The following COL9A1 variants were observed in gnomAD, a reference collection of about 807,000 sequenced individuals.
COL9A1 encodes the protein collagen alpha-1(IX) chain.
Under a neutral mutation model 142.6 loss-of-function variants are expected in COL9A1, and 104 were observed. The ratio of observed to expected loss-of-function variants is 0.73; its 90% CI spans 0.62 to 0.86. The LOEUF (loss-of-function observed/expected upper bound fraction) is 0.86, where lower values mean the gene tolerates loss of function less well. Ranked by LOEUF, COL9A1 falls within the 40% of genes least tolerant of loss-of-function variation. The pLI, the probability that COL9A1 is intolerant of heterozygous loss-of-function variation, is 0.00. For synonymous variants in COL9A1, 466 were observed against 396.0 expected, an observed-to-expected ratio of 1.18 and a Z score of -2.10; for missense variants, 1,210 against 1,176.6, an observed-to-expected ratio of 1.03 and a Z score of -0.42.
At chr6:70,278,839 G>T (rs1446240592) in intron 10 of COL9A1, among the ~76,000 whole-genome samples, 1 of 152,200 alleles carries the variant, frequency 6.6e-6, no homozygotes, top group African/African-American at 2.4e-5. Context: ...TTCTGTTAGA[G>T]TGGGGAAATT....
At chr6:70,271,973 G>C in intron 13 of COL9A1, 92 bp downstream of exon 13, 1 of 1,301,536 alleles carries the variant, frequency 7.7e-7, no homozygotes, top group African/African-American at 1.5e-5. Flanking sequence ...AAACACCACT[G>C]AGTAGACCGT....
At chr6:70,255,459 A>T in intron 21 of COL9A1, 69 bp from the exon 22 acceptor site, 2 of 1,369,246 alleles carry the variant, frequency 1.5e-6, no homozygotes, top group Non-Finnish European at 1.0e-6. Flanking sequence ...AAAATTAGAA[A>T]GTATCATCCA....
intron 28 of COL9A1, chr6:70,246,262 AG>A: frequency 6.6e-6 from 1 of 152,190 alleles, no homozygotes; most frequent in East Asian, 1.9e-4. Context: ...CGGGAGGCTG[AG>A]GGGGGAGAAT....
intron 5 of COL9A1, among the ~76,000 whole-genome samples, chr6:70,292,882 A>T (rs937293243): frequency 2.0e-4 from 31 of 152,192 alleles, no homozygotes; most frequent in Non-Finnish European, 4.4e-4. Context: ...TAACTCAGCC[A>T]CTTGAGGTGT....
chr6:70,218,089 G>A (rs1025470269), intron 37 of COL9A1, among the ~76,000 whole-genome samples: 1 of 152,186 alleles, frequency 6.6e-6, no homozygotes, highest in East Asian at 1.9e-4. Context: ...GTTGCAGTGA[G>A]CCGAGATCGC....
Position 70,252,251 on chromosome 6 carries a change from T to TGGTG in COL9A1, c.1818+7_1818+10dup, listed in dbSNP as rs200555682. On this transcript the variant is annotated intron_variant, in intron 27 of 37. Transcript: ENST00000357250. ...GGTTAGAACTTCAGGAGAGGTAAAA[T>TGGTG]GGTGTCTTACCGGTTTGCCTGAATT... 2.1e-4 allele frequency: 332 copies of TGGTG among 1,614,114 alleles called. 2 individuals are homozygous for TGGTG. The East Asian group carries it at 6.3e-3, about 31-fold the overall frequency.
At chr6:70,288,411 C>G (rs549183794) in intron 5 of COL9A1, among the ~76,000 whole-genome samples, 7 of 152,264 alleles carry the variant, frequency 4.6e-5, no homozygotes, top group African/African-American at 1.7e-4. Context: ...ACTCTTATGT[C>G]CTTCTCTCCC....
rs757811518 is a variant in COL9A1, at chr6:70,294,341, G to A, written c.522C>T (p.Ser174=). The change falls in exon 5 of 38, where the codon TCC becomes TCT. Residue 174 remains serine (S), a synonymous_variant. Transcript: ENST00000357250. Reference sequence around the variant, plus strand: ...TCTTATGCCACTGGGAATCAAACAAGGAGGACAAATTCGAAAAGGCTGCTG... The same window carrying A: ...TCTTATGCCACTGGGAATCAAACAAAGAGGACAAATTCGAAAAGGCTGCTG... ...LQTAAFSNLS[S]LFDSQWHKIM... 1.5e-5 allele frequency: 24 copies of A among 1,613,912 alleles called. No homozygotes were observed. Among genetic ancestry groups the A allele is most frequent in the African/African-American group, 2.7e-5 (2 of 74,894 alleles).
chr6:70,257,452 TAGA>T (rs985446560), intron 20 of COL9A1, among the ~76,000 whole-genome samples: 12 of 152,298 alleles, frequency 7.9e-5, no homozygotes, highest in Non-Finnish European at 1.2e-4. Context: ...GTAAATCTAT[TAGA>T]AGAAGTTTGG....
intron 33 of COL9A1, 116 bp from the exon 34 acceptor site, chr6:70,235,056 G>T: frequency 7.7e-7 from 1 of 1,298,192 alleles, no homozygotes. Flanking sequence ...CATCCTAACA[G>T]GTGTTCTTTC....
chr6:70,256,782 G>A lies in COL9A1; in HGVS notation c.1489C>T (p.Leu497Phe). 6.2e-7 allele frequency: 1 copy of A among 1,611,500 alleles called. No homozygotes were observed. Among genetic ancestry groups the A allele is most frequent in the Middle Eastern group, 1.7e-4 (1 of 6,052 alleles). Reference protein sequence around the residue: ...GLDGEPGPQGLPGAPGDQGQR... With the variant: ...GLDGEPGPQGFPGAPGDQGQR... ...AAATCACTTACAGGTGCACCAGGAAGACCCTGAGGCCCAGGTTCACCATCT... is the reference window on the plus strand; with the variant it reads ...AAATCACTTACAGGTGCACCAGGAAAACCCTGAGGCCCAGGTTCACCATCT... Residue 497 changes from leucine (L) to phenylalanine (F), a missense_variant, in exon 21 of 38, where the codon CTT becomes TTT. Coordinates refer to ENST00000357250, the MANE Select transcript of COL9A1 (RefSeq NM_001851.6).
In COL9A1 at chr6:70,269,766, G is replaced by T. The variant is rs1583300500; in HGVS notation, c.1198-101C>A. The T allele has an allele frequency of 9.4e-6, 7 of 740,900 alleles. No individual in the cohort carries two copies. In the South Asian group the frequency reaches 1.2e-4, roughly 13 times the overall value. 45.9% of individuals were successfully genotyped at this position (740,900 alleles called of 1,614,324 possible). A position where few individuals can be genotyped will look rare whatever the true frequency, so the allele number is the denominator to read the frequency against. On this transcript the variant is annotated intron_variant, in intron 15 of 37. Coordinates refer to ENST00000357250, the MANE Select transcript of COL9A1 (RefSeq NM_001851.6). Reference sequence around the variant, plus strand: ...TCAGGCAAAAGTATAAAATATATTTGTTTAATAAAATATAAGAAACCAGAT... The same window carrying T: ...TCAGGCAAAAGTATAAAATATATTTTTTTAATAAAATATAAGAAACCAGAT...
chr6:70,293,050 A>G (rs1369019141), intron 5 of COL9A1, among the ~76,000 whole-genome samples: 2 of 152,344 alleles, frequency 1.3e-5, no homozygotes, highest in Middle Eastern at 3.4e-3. Context: ...AGTTATTTGA[A>G]CAATTCCATT....
intron 33 of COL9A1, among the ~76,000 whole-genome samples, chr6:70,237,389 CT>C (rs1342003348): frequency 6.6e-6 from 1 of 152,228 alleles, no homozygotes; most frequent in African/African-American, 2.4e-5. Context: ...TACTTCACAA[CT>C]TTGTCTATGC....
At chr6:70,269,394 G>A (rs935999641) in intron 16 of COL9A1, among the ~76,000 whole-genome samples, 1 of 152,152 alleles carries the variant, frequency 6.6e-6, no homozygotes, top group African/African-American at 2.4e-5. Context: ...TGAAAAGCAT[G>A]TCTTAGTCAT....
intron 5 of COL9A1, among the ~76,000 whole-genome samples, chr6:70,287,916 T>C (rs1008548485): frequency 6.6e-6 from 1 of 152,234 alleles, no homozygotes; most frequent in Non-Finnish European, 1.5e-5. Context: ...AGTGTTTTCA[T>C]TTAGAGATAT....
At position 70,270,333 on chromosome 6, in the gene COL9A1, G is replaced by A; in HGVS notation, c.1178C>T (p.Pro393Leu). 1 of 1,612,500 alleles carries A rather than the reference G, an allele frequency of 6.2e-7. No homozygotes were observed. The highest frequency in any genetic ancestry group is 8.5e-7 in the Non-Finnish European group (1 of 1,178,988). ...ACTTACTCTGGGTCCTGGGGGGCCA[G>A]GGGGGCCAGGTGGTCCTCTTCTCCC... is the stretch of plus-strand genomic sequence containing the variant. Reference protein sequence around the residue: ...DPGRRGPPGPPGPPGPRGTIG... With the variant: ...DPGRRGPPGPLGPPGPRGTIG... The change falls in exon 15 of 38, where the codon CCT becomes CTT. Residue 393 changes from proline (P) to leucine (L), a missense_variant. Transcript: ENST00000357250.
intron 33 of COL9A1, among the ~76,000 whole-genome samples, chr6:70,235,617 A>G (rs1216929944): frequency 1.3e-5 from 2 of 152,320 alleles, no homozygotes; most frequent in East Asian, 1.9e-4. Context: ...TTCTGGCTAC[A>G]TAAAAGCCCC....
intron 36 of COL9A1, among the ~76,000 whole-genome samples, chr6:70,229,777 A>C (rs963500571): frequency 1.3e-5 from 2 of 152,202 alleles, no homozygotes; most frequent in Non-Finnish European, 2.9e-5. Context: ...CTGGGCCCTA[A>C]CATTTTGTAT....
Sources: gnomAD v4.1 joint callset for allele counts (sites outside exome capture counted in the v4.1 genomes callset) on GRCh38, gnomAD v4.1.1 for gene constraint, MANE v1.5 for transcripts, NCBI Gene and HGNC (gene_info 2026-07-23, HGNC 2026-07-21) for gene names.